Variants in BANK1 observed in about 807,000 individuals in gnomAD.
BANK1 encodes the protein B cell scaffold protein with ankyrin repeats 1, also known as B-cell scaffold protein with ankyrin repeats.
In BANK1, 95 loss-of-function variants were observed where a neutral mutation model predicts 94.5. The ratio of observed to expected loss-of-function variants is 1.00; its 90% CI spans 0.85 to 1.19. BANK1 has a LOEUF of 1.19. Ranked by LOEUF, BANK1 falls within the 50% of genes most tolerant of loss-of-function variation. BANK1 has a pLI of 0.00. For missense variants in BANK1, 987 were observed against 932.2 expected, an observed-to-expected ratio of 1.06 and a Z score of -0.77; for synonymous variants, 334 against 308.4, an observed-to-expected ratio of 1.08 and a Z score of -0.87.
At chr4:101,936,967 G>A (rs1173546931) in intron 7 of BANK1, among the ~76,000 whole-genome samples, 1 of 151,500 alleles carries the variant, frequency 6.6e-6, no homozygotes, top group Non-Finnish European at 1.5e-5. Context: ...CCAAAAGAAA[G>A]GAAATCAGTA....
chr4:101,840,178 C>A (rs914007534), intron 2 of BANK1, among the ~76,000 whole-genome samples: 2 of 150,008 alleles, frequency 1.3e-5, no homozygotes, highest in Non-Finnish European at 3.0e-5. Context: ...CCGTTTTAGC[C>A]GGGATGGTCT....
At chr4:101,922,300 A>T (rs1723026733) in intron 7 of BANK1, among the ~76,000 whole-genome samples, 1 of 151,778 alleles carries the variant, frequency 6.6e-6, no homozygotes, top group African/African-American at 2.4e-5. Flanking sequence ...CATTCTCAGC[A>T]TTGCCCTCTC....
intron 15 of BANK1, among the ~76,000 whole-genome samples, chr4:102,072,776 C>T (rs557883080): frequency 5.2e-4 from 79 of 152,084 alleles, no homozygotes; most frequent in Non-Finnish European, 1.1e-3. Context: ...GAAAGTATAG[C>T]CCCAAAATAT....
At chr4:101,853,426 G>A (rs1338254391) in intron 2 of BANK1, among the ~76,000 whole-genome samples, 3 of 152,016 alleles carry the variant, frequency 2.0e-5, no homozygotes, top group Admixed American at 2.0e-4. Flanking sequence ...TTTTTACCCT[G>A]TCAATGCTGC....
chr4:101,916,046 C>T (rs1267983416), intron 6 of BANK1, among the ~76,000 whole-genome samples: 1 of 152,052 alleles, frequency 6.6e-6, no homozygotes, highest in Non-Finnish European at 1.5e-5. Flanking sequence ...TTTTCAGCTA[C>T]CTTCCCTACT....
intron 1 of BANK1, among the ~76,000 whole-genome samples, chr4:101,820,742 T>C (rs1209208057): frequency 3.3e-5 from 5 of 152,228 alleles, no homozygotes; most frequent in Non-Finnish European, 7.3e-5. Context: ...TTTCTGTTCC[T>C]GAATTAGTTT....
intron 5 of BANK1, among the ~76,000 whole-genome samples, chr4:101,873,570 T>C (rs898535489): frequency 6.6e-6 from 1 of 152,188 alleles, no homozygotes; most frequent in African/African-American, 2.4e-5. Context: ...AAAGAAGTAA[T>C]AATGAGAAAT....
intron 7 of BANK1, among the ~76,000 whole-genome samples, chr4:101,932,991 T>A (rs557560745): frequency 6.6e-6 from 1 of 151,634 alleles, no homozygotes; most frequent in African/African-American, 2.4e-5. Flanking sequence ...AAATGGCTTA[T>A]ATTTTGGCAA....
intron 7 of BANK1, among the ~76,000 whole-genome samples, chr4:101,988,799 A>G (rs1004807083): frequency 6.6e-6 from 1 of 152,216 alleles, no homozygotes; most frequent in Non-Finnish European, 1.5e-5. Flanking sequence ...AGCATGGTAC[A>G]TAAATTCAAA....
At chr4:101,868,843 C>T (rs1728172095) in intron 4 of BANK1, among the ~76,000 whole-genome samples, 1 of 151,786 alleles carries the variant, frequency 6.6e-6, no homozygotes, top group African/African-American at 2.4e-5. Flanking sequence ...CTCTGACATA[C>T]AGTTGAGAGC....
chr4:101,857,229 C>T (rs906477318), intron 3 of BANK1, among the ~76,000 whole-genome samples: 1 of 152,128 alleles, frequency 6.6e-6, no homozygotes, highest in African/African-American at 2.4e-5. Flanking sequence ...AGAAATTTTA[C>T]CATACTACCT....
rs764657018 is a variant in BANK1, at chr4:101,834,105, A to G, written c.469+3899A>G. On this transcript the variant is annotated intron_variant, in intron 2 of 16. Coordinates refer to ENST00000322953, the MANE Select transcript of BANK1 (RefSeq NM_017935.5). ...TTGAGCTATAATGTCACTATTATGT[A>G]AAAATATTTGATATATACCTTTTTG... Among the ~76,000 whole-genome samples, 11 of 152,344 alleles carry G rather than the reference A, an allele frequency of 7.2e-5. No homozygotes were observed. The South Asian group carries it at 8.3e-4, about 11-fold the overall frequency.
intron 1 of BANK1, among the ~76,000 whole-genome samples, chr4:101,791,785 G>A (rs1724996496): frequency 6.6e-6 from 1 of 152,020 alleles, no homozygotes; most frequent in Non-Finnish European, 1.5e-5. Context: ...TGTAATTTTG[G>A]TTGTAGCTAT....
chr4:101,794,712 A>T lies in BANK1; in HGVS notation c.70+3762A>T, dbSNP rs752741909. 4.6e-5 allele frequency among the ~76,000 whole-genome samples: 7 copies of T among 152,134 alleles called. No homozygotes were observed. In the South Asian group the frequency reaches 8.3e-4, roughly 18 times the overall value. On this transcript the variant is annotated intron_variant, in intron 1 of 16. Transcript: ENST00000322953. ...GCAGTAATTAGTTTTTAGTCAGAGA[A>T]AAACAATGAGCCTTTTAGGCATTTA...
intron 2 of BANK1, among the ~76,000 whole-genome samples, chr4:101,853,038 T>C (rs1727550126): frequency 6.6e-6 from 1 of 152,132 alleles, no homozygotes; most frequent in Non-Finnish European, 1.5e-5. Context: ...TTTGTGTATG[T>C]CTATGTGTGT....
intron 2 of BANK1, among the ~76,000 whole-genome samples, chr4:101,850,537 C>A (rs1338509061): frequency 6.6e-6 from 1 of 152,032 alleles, no homozygotes; most frequent in African/African-American, 2.4e-5. Flanking sequence ...CCTGCCCCAG[C>A]CTCCCAAAGT....
At chr4:101,902,082 A>G (rs903578012) in intron 6 of BANK1, among the ~76,000 whole-genome samples, 2 of 152,112 alleles carry the variant, frequency 1.3e-5, no homozygotes, top group Non-Finnish European at 2.9e-5. Context: ...ATTTTACACC[A>G]TTCCTATCTG....
At position 102,025,235 on chromosome 4, in the gene BANK1, G is replaced by A. The variant is rs17853030; in HGVS notation, c.1320G>A (p.Arg440=). The change falls in exon 9 of 17, where the codon AGG becomes AGA. Residue 440 remains arginine (R), a synonymous_variant. Coordinates refer to ENST00000322953, the MANE Select transcript of BANK1 (RefSeq NM_017935.5). The part of the protein sequence containing the change: ...TQNPAFHHES[R]KTYGQSADGA... ...ACCCAGCATTTCATCATGAAAGCAG[G>A]AAGACATACGGGCAGAGTGCAGATG... 0.052 allele frequency: 84,716 copies of A among 1,613,958 alleles called. 2,588 individuals carry two copies. Among genetic ancestry groups the A allele is most frequent in the Non-Finnish European group, 0.06 (70,701 of 1,179,852 alleles).
At chr4:101,822,772 C>T (rs547938982) in intron 1 of BANK1, among the ~76,000 whole-genome samples, 50 of 152,102 alleles carry the variant, frequency 3.3e-4, no homozygotes, top group South Asian at 1.5e-3. Context: ...TCCGCCACCA[C>T]GCCCCACTAA....
Sources: gnomAD v4.1 joint callset for allele counts (sites outside exome capture counted in the v4.1 genomes callset) on GRCh38, gnomAD v4.1.1 for gene constraint, MANE v1.5 for transcripts, NCBI Gene and HGNC (gene_info 2026-07-23, HGNC 2026-07-21) for gene names.